Variants in EIF6 observed in about 807,000 individuals in gnomAD.
The protein encoded by EIF6 is eukaryotic translation initiation factor 6.
EIF6 carries 10 observed loss-of-function variants against 25.5 expected under a neutral mutation model. The ratio of observed to expected loss-of-function variants is 0.39; its 90% CI spans 0.24 to 0.66. The LOEUF is 0.66. Ranked by LOEUF, EIF6 falls within the 30% of genes least tolerant of loss-of-function variation. EIF6 has a pLI of 0.45. For synonymous variants in EIF6, 122 were observed against 122.6 expected, an observed-to-expected ratio of 1.00 and a Z score of 0.03; for missense variants, 246 against 315.4, an observed-to-expected ratio of 0.78 and a Z score of 1.67.
chr20:35,282,739 A>T (rs193296670), intron 3 of EIF6, among the ~76,000 whole-genome samples: 4 of 151,800 alleles, frequency 2.6e-5, no homozygotes, highest in African/African-American at 9.7e-5. Flanking sequence ...CCTCCCAAGT[A>T]GCTGGGATTA....
chr20:35,279,346 C>T, intron 6 of EIF6, 140 bp from the exon 7 acceptor site: 1 of 1,303,172 alleles, frequency 7.7e-7, no homozygotes, highest in East Asian at 2.4e-5. Context: ...GTATCCTAGC[C>T]CTGAAAAACC....
In EIF6 at chr20:35,280,662, A is replaced by C; in HGVS notation, c.361T>G (p.Leu121Val). Residue 121 changes from leucine (L) to valine (V), a missense_variant, in exon 4 of 7, where the codon TTG (leucine) becomes GTG (valine). Coordinates refer to ENST00000374450, the MANE Select transcript of EIF6 (RefSeq NM_002212.4). ...NDYVALVHPD[L>V]DRETEEILAD... ...AAGTTGGGCTGCCTCACCCTGTCCA[A>C]GTCTGGGTGGACCAAGGCCACGTAG... The C allele has an allele frequency of 6.2e-7, 1 of 1,613,398 alleles. No individual in the cohort carries two copies. The highest frequency in any genetic ancestry group is 1.1e-5 in the South Asian group (1 of 90,776).
rs961214257 is a variant in EIF6, at chr20:35,279,055, A to G, written c.*142T>C. On this transcript the variant is annotated 3_prime_UTR_variant, in exon 7 of 7. Transcript: ENST00000374450. ...AGATCCAGGCGATAAGCACAGGTGGAAAAGGGTTGGGTGCCCAGCCCCTCA... is the reference window on the plus strand; with the variant it reads ...AGATCCAGGCGATAAGCACAGGTGGGAAAGGGTTGGGTGCCCAGCCCCTCA... 5 of 1,044,584 alleles carry G rather than the reference A, an allele frequency of 4.8e-6. No individual in the cohort carries two copies. In the African/African-American group the frequency reaches 7.9e-5, roughly 17 times the overall value. The allele number at this position is 1,044,584 out of a possible 1,614,324, so 64.7% of individuals were successfully genotyped here. A position where few individuals can be genotyped will look rare whatever the true frequency, so the allele number is the denominator to read the frequency against.
intron 1 of EIF6, 89 bp downstream of exon 1, chr20:35,284,637 A>G: frequency 1.1e-6 from 1 of 920,002 alleles, no homozygotes; most frequent in African/African-American, 1.7e-5. Context: ...GGCCCCCACC[A>G]GAACCTCCGG....
chr20:35,282,382 C>T (rs143389774), intron 3 of EIF6, among the ~76,000 whole-genome samples: 184 of 152,312 alleles, frequency 1.2e-3, no homozygotes, highest in African/African-American at 4.2e-3. Flanking sequence ...ACACAAAACA[C>T]ACCATACAGC....
Position 35,279,582 on chromosome 20 carries a change from C to A in EIF6, c.712G>T (p.Asp238Tyr). 6.2e-7 allele frequency: 1 copy of A among 1,614,080 alleles called. No individual in the cohort carries two copies. Among genetic ancestry groups the A allele is most frequent in the South Asian group, 1.1e-5 (1 of 91,082 alleles). ...QPSTIATSMR[D>Y]SLIDSLT The stretch of plus-strand genomic sequence containing the variant: ...CCCAGGTACCTGTCAATGAGGGAAT[C>A]CCGCATGCTGGTGGCAATGGTGCTA... The change falls in exon 6 of 7, where the codon GAT becomes TAT. Residue 238 changes from aspartate (D) to tyrosine (Y), a missense_variant. By Grantham distance (160) the Asp-to-Tyr change is radical. Transcript: ENST00000374450.
intron 6 of EIF6, 133 bp from the exon 7 acceptor site, chr20:35,279,339 T>C: frequency 7.5e-7 from 1 of 1,338,796 alleles, no homozygotes; most frequent in South Asian, 1.2e-5. Context: ...TGCTCTAGTA[T>C]CCTAGCCCTG....
Position 35,279,117 on chromosome 20 carries a change from C to A in EIF6, c.*80G>T. The stretch of plus-strand genomic sequence containing the variant: ...CTCTCTGCCACCTCCCTGCCAGCAT[C>A]CGGTACAGATTGGGCGGAATGTGGA... On this transcript the variant is annotated 3_prime_UTR_variant, in exon 7 of 7. Coordinates refer to ENST00000374450, the MANE Select transcript of EIF6 (RefSeq NM_002212.4). 6.3e-7 allele frequency: 1 copy of A among 1,590,424 alleles called. No individual in the cohort carries two copies. The highest frequency in any genetic ancestry group is 1.1e-5 in the South Asian group (1 of 90,128).
intron 3 of EIF6, among the ~76,000 whole-genome samples, chr20:35,282,220 A>G (rs1194518111): frequency 6.6e-6 from 1 of 151,876 alleles, no homozygotes; most frequent in Non-Finnish European, 1.5e-5. Context: ...CGATCTCCCG[A>G]CCTCGTGATC....
chr20:35,284,342 G>C (rs888039305), intron 2 of EIF6, 39 bp downstream of exon 2: 21 of 1,613,504 alleles, frequency 1.3e-5, no homozygotes, highest in Non-Finnish European at 1.7e-5. Context: ...TCCTGCGCAC[G>C]CCTCCCCGCC....
chr20:35,284,700 C>G, intron 1 of EIF6, 26 bp downstream of exon 1: 1 of 602,942 alleles, frequency 1.7e-6, no homozygotes, highest in Non-Finnish European at 2.9e-6. Context: ...AGCTGACCCT[C>G]CCAGGTTCCC....
Position 35,279,766 on chromosome 20 carries a change from A to C in EIF6, c.547-19T>G. 6.2e-7 allele frequency: 1 copy of C among 1,612,742 alleles called. No individual in the cohort carries two copies. Among genetic ancestry groups the C allele is most frequent in the South Asian group, 1.1e-5 (1 of 91,050 alleles). On this transcript the variant is annotated intron_variant, in intron 5 of 6. Coordinates refer to ENST00000374450, the MANE Select transcript of EIF6 (RefSeq NM_002212.4). The stretch of plus-strand genomic sequence containing the variant: ...TCCCCGCCTGCCAAGGGATGGGCTC[A>C]ATGTGAGTCACGGCACCAAATTCTC...
intron 3 of EIF6, among the ~76,000 whole-genome samples, chr20:35,282,403 A>G (rs2146264208): frequency 6.6e-6 from 1 of 152,352 alleles, no homozygotes; most frequent in Non-Finnish European, 1.5e-5. Flanking sequence ...AACAAGAATG[A>G]ACAATCTACA....
At chr20:35,279,417 G>T in intron 6 of EIF6, 149 bp downstream of exon 6, 1 of 1,226,504 alleles carries the variant, frequency 8.2e-7, no homozygotes, top group Non-Finnish European at 1.2e-6. Context: ...GCTCTTATCT[G>T]CTCAGCAGTG....
chr20:35,279,809 C>A, intron 5 of EIF6, 62 bp from the exon 6 acceptor site: 1 of 1,603,806 alleles, frequency 6.2e-7, no homozygotes, highest in South Asian at 1.1e-5. Flanking sequence ...TCAATGAAGA[C>A]TCTCCCCAAA....
intron 3 of EIF6, 71 bp from the exon 4 acceptor site, chr20:35,280,900 C>T: frequency 2.0e-6 from 3 of 1,529,818 alleles, no homozygotes; most frequent in South Asian, 1.2e-5. Flanking sequence ...GGATACCACT[C>T]AGCCCAGCCC....
Position 35,279,045 on chromosome 20 carries a change from G to A in EIF6, c.*152C>T. 2 of 942,746 alleles carry A rather than the reference G, an allele frequency of 2.1e-6. No individual in the cohort carries two copies. The highest frequency in any genetic ancestry group is 3.3e-6 in the Non-Finnish European group (2 of 597,614). The allele number at this position is 942,746 out of a possible 1,614,324, so 58.4% of individuals were successfully genotyped here. On this transcript the variant is annotated 3_prime_UTR_variant, in exon 7 of 7. Coordinates refer to ENST00000374450, the MANE Select transcript of EIF6 (RefSeq NM_002212.4). ...CAGTAATGATAGATCCAGGCGATAA[G>A]CACAGGTGGAAAAGGGTTGGGTGCC... is the stretch of plus-strand genomic sequence containing the variant.
At chr20:35,280,446 A>C (rs1002546688) in intron 4 of EIF6, among the ~76,000 whole-genome samples, 1 of 152,118 alleles carries the variant, frequency 6.6e-6, no homozygotes, top group East Asian at 1.9e-4. Flanking sequence ...CAATCTCCCC[A>C]ATCATGAAGG....
intron 1 of EIF6, 62 bp from the exon 2 acceptor site, chr20:35,284,554 C>T (rs909177123): frequency 3.3e-6 from 5 of 1,534,540 alleles, no homozygotes; most frequent in Admixed American, 1.8e-5. Context: ...TCCCGGCCTC[C>T]GTCCCTCAGG....
Sources: allele counts gnomAD v4.1 joint callset (sites outside exome capture counted in the v4.1 genomes callset), GRCh38; gene constraint gnomAD v4.1.1; transcripts MANE v1.5; gene names NCBI Gene and HGNC (gene_info 2026-07-23, HGNC 2026-07-21).